Variants in MYH11 observed in about 807,000 individuals in gnomAD.
MYH11 encodes the protein myosin-11.
MYH11 carries 80 observed loss-of-function variants against 246.6 expected under a neutral mutation model. That is an observed-to-expected ratio of 0.32 (90% CI 0.27 to 0.39). The LOEUF is 0.39. Ranked by LOEUF, MYH11 falls within the 10% of genes least tolerant of loss-of-function variation. The probability of loss-of-function intolerance (pLI) is 1.00; values close to 1 mark genes in which losing one functional copy is unlikely to be tolerated. For synonymous variants in MYH11, 1,071 were observed against 1,015.5 expected (o/e 1.05, Z -1.04); for missense variants, 2,158 against 2,546.8 (o/e 0.85, Z 3.29).
intron 24 of MYH11, among the ~76,000 whole-genome samples, chr16:15,737,862 A>G (rs923207900): frequency 5.3e-5 from 8 of 152,032 alleles, no homozygotes; most frequent in Non-Finnish European, 1.0e-4. Context: ...GCGCAATCTC[A>G]GCTCACTGCA....
intron 40 of MYH11, among the ~76,000 whole-genome samples, chr16:15,706,506 G>A (rs966437241): frequency 6.6e-5 from 10 of 152,098 alleles, no homozygotes; most frequent in East Asian, 1.9e-4. Context: ...TCAGTTGTTC[G>A]AGGCCATCCT....
intron 4 of MYH11, among the ~76,000 whole-genome samples, chr16:15,795,376 C>A (rs749027847): frequency 6.6e-6 from 1 of 151,996 alleles, no homozygotes; most frequent in Non-Finnish European, 1.5e-5. Context: ...CTTGGGAGGC[C>A]GAGGCTCCCC....
intron 40 of MYH11, among the ~76,000 whole-genome samples, chr16:15,711,486 T>C (rs937329156): frequency 2.6e-5 from 4 of 152,178 alleles, no homozygotes; most frequent in African/African-American, 4.8e-5. Context: ...AACCAGTTGA[T>C]AGAGGTGATG....
chr16:15,725,163 A>AC (rs2040693427), intron 28 of MYH11, 171 bp from the exon 29 acceptor site: 4 of 638,606 alleles, frequency 6.3e-6, no homozygotes, highest in South Asian at 5.5e-5. Context: ...ACACACACAC[A>AC]AAAAAAACAG....
At chr16:15,768,143 T>G (rs1395415662) in intron 9 of MYH11, among the ~76,000 whole-genome samples, 1 of 152,122 alleles carries the variant, frequency 6.6e-6, no homozygotes, top group African/African-American at 2.4e-5. Context: ...TCCTGTTGTT[T>G]TAAGGCATCA....
intron 2 of MYH11, among the ~76,000 whole-genome samples, chr16:15,828,385 G>T (rs1333272899): frequency 6.6e-6 from 1 of 152,070 alleles, no homozygotes; most frequent in East Asian, 1.9e-4. Flanking sequence ...CTCTCCACTT[G>T]GAACACTTTT....
chr16:15,831,427 G>T (rs572405151), intron 2 of MYH11, among the ~76,000 whole-genome samples: 21 of 151,402 alleles, frequency 1.4e-4, no homozygotes, highest in African/African-American at 4.9e-4. Flanking sequence ...AAATCATACT[G>T]CAAAACATAC....
intron 31 of MYH11, among the ~76,000 whole-genome samples, chr16:15,723,795 A>G (rs2040605571): frequency 6.6e-6 from 1 of 152,240 alleles, no homozygotes; most frequent in South Asian, 2.1e-4. Context: ...TGGTATTAAA[A>G]GTATAGAAAC....
At chr16:15,771,749 C>T (rs2042107318) in intron 8 of MYH11, 37 bp from the exon 9 acceptor site, 5 of 1,613,178 alleles carry the variant, frequency 3.1e-6, no homozygotes, top group Non-Finnish European at 3.4e-6. Flanking sequence ...GTCAATAAGA[C>T]ATACTTCTAA....
In MYH11 at chr16:15,750,074, C is replaced by T. The variant is rs780568445; in HGVS notation, c.2058+64G>A. On this transcript the variant is annotated intron_variant, in intron 16 of 40. Coordinates refer to ENST00000300036, the MANE Select transcript of MYH11 (RefSeq NM_002474.3). The surrounding 1 kb of genome is among the most constrained non-coding windows in gnomAD (Gnocchi z 4.3). Reference sequence around the variant, plus strand: ...GTGGGGGCAGAGGGCGCCCTGGGGACGCTGTGACCGCTTGGGACAGCCCTG... The same window carrying T: ...GTGGGGGCAGAGGGCGCCCTGGGGATGCTGTGACCGCTTGGGACAGCCCTG... 32 of 1,599,050 alleles carry T rather than the reference C, an allele frequency of 2.0e-5. No homozygotes were observed. The highest frequency in any genetic ancestry group is 5.0e-5 in the Admixed American group (3 of 59,716).
At chr16:15,778,687 G>C (rs1313623416) in intron 7 of MYH11, 93 bp downstream of exon 7, 3 of 1,218,338 alleles carry the variant, frequency 2.5e-6, no homozygotes, top group South Asian at 1.2e-5. Context: ...AGGCTGGAAA[G>C]ATAGAGGTGG....
rs1567687391 is a variant in MYH11 at position 15,717,146 on chromosome 16, T to G, written c.5498A>C (p.Glu1833Ala). Residue 1833 changes from glutamate (E) to alanine (A), a missense_variant, in exon 38 of 41, where the codon GAG (glutamate) becomes GCG (alanine). By Grantham distance (107) the Glu-to-Ala change is moderately radical. Coordinates refer to ENST00000300036, the MANE Select transcript of MYH11 (RefSeq NM_002474.3). ...GAACTCCACACCCGCATACCTGGCCTCCTGCTCGACCTGCTCCTCCAGCTG... is the reference window on the plus strand; with the variant it reads ...GAACTCCACACCCGCATACCTGGCCGCCTGCTCGACCTGCTCCTCCAGCTG... ...IAQLEEQVEQ[E>A]AREKQAATKS... 5.0e-6 allele frequency: 8 copies of G among 1,614,048 alleles called. No homozygotes were observed. Among genetic ancestry groups the G allele is most frequent in the African/African-American group, 1.3e-5 (1 of 74,928 alleles).
chr16:15,780,030 G>A (rs978521266), intron 6 of MYH11, among the ~76,000 whole-genome samples: 1 of 152,228 alleles, frequency 6.6e-6, no homozygotes, highest in Admixed American at 6.5e-5. Flanking sequence ...GAGCCAGGGA[G>A]AGCCGGCTGG....
chr16:15,852,260 G>A (rs775294318), intron 1 of MYH11, among the ~76,000 whole-genome samples: 2 of 151,320 alleles, frequency 1.3e-5, no homozygotes, highest in African/African-American at 2.4e-5. Flanking sequence ...TGTCTTCCAC[G>A]AAACCAGTCT....
At chr16:15,787,481 CTTTT>C (rs370002467) in intron 4 of MYH11, among the ~76,000 whole-genome samples, 1 of 116,018 alleles carries the variant, frequency 8.6e-6, no homozygotes. Context: ...GAATTATCTA[CTTTT>C]TTTTTTTTTT....
At chr16:15,831,336 C>A (rs1306238092) in intron 2 of MYH11, among the ~76,000 whole-genome samples, 2 of 151,988 alleles carry the variant, frequency 1.3e-5, no homozygotes, top group East Asian at 3.9e-4. Context: ...CATGTCTTAC[C>A]TATTCAAAAA....
Position 15,737,536 on chromosome 16 carries a change from T to A in MYH11, c.3206A>T (p.Glu1069Val). ...CTGCGCCTGGAGGTCAGCGATCTGC[T>A]CGTGGAAGTCGCTGGCATCACCCTC... is the stretch of plus-strand genomic sequence containing the variant. ...KLEGDASDFH[E>V]QIADLQAQIA... Residue 1069 changes from glutamate (E) to valine (V), a missense_variant, in exon 25 of 41, where the codon GAG (glutamate) becomes GTG (valine). Transcript: ENST00000300036. 1 of 1,614,018 alleles carries A rather than the reference T, an allele frequency of 6.2e-7. No individual in the cohort carries two copies. The highest frequency in any genetic ancestry group is 8.5e-7 in the Non-Finnish European group (1 of 1,180,024).
At chr16:15,760,470 C>A in intron 11 of MYH11, 70 bp downstream of exon 11, 1 of 1,176,672 alleles carries the variant, frequency 8.5e-7, no homozygotes, top group Non-Finnish European at 1.3e-6. Context: ...AATGAGTGAA[C>A]AGGTGGATAG....
chr16:15,704,156 A>C, intron 40 of MYH11, 33 bp from the exon 41 acceptor site: 6 of 1,612,948 alleles, frequency 3.7e-6, no homozygotes, highest in Non-Finnish European at 5.1e-6. Flanking sequence ...TTATTTAGCA[A>C]AGAAATCTTC....
Sources: gnomAD v4.1 joint callset for allele counts (sites outside exome capture counted in the v4.1 genomes callset) on GRCh38, gnomAD v4.1.1 for gene constraint, Gnocchi (gnomAD v3.1) non-coding constraint, MANE v1.5 for transcripts, NCBI Gene and HGNC (gene_info 2026-07-23, HGNC 2026-07-21) for gene names.